The following RSPH14 variants were observed in gnomAD, a reference collection of about 807,000 sequenced individuals.
RSPH14 encodes radial spoke head 14 homolog, also known as rhabdoid tumor deletion region gene 1.
A neutral mutation model predicts 26.7 loss-of-function variants in RSPH14; 20 were observed. That is an observed-to-expected ratio of 0.75 (90% CI 0.53 to 1.09). RSPH14 has a LOEUF of 1.09. Among genes scored for constraint, RSPH14 ranks in the 50% least tolerant of loss-of-function variants. The probability of loss-of-function intolerance (pLI) is 0.00; values close to 1 mark genes in which losing one functional copy is unlikely to be tolerated. For synonymous variants in RSPH14, 177 were observed against 189.3 expected, an observed-to-expected ratio of 0.93 and a Z score of 0.53; for missense variants, 449 against 457.2, an observed-to-expected ratio of 0.98 and a Z score of 0.16.
chr22:23,106,205 C>G (rs1203873505), intron 4 of RSPH14, among the ~76,000 whole-genome samples: 1 of 152,230 alleles, frequency 6.6e-6, no homozygotes, highest in Non-Finnish European at 1.5e-5. Context: ...ACCTAAGACC[C>G]TGCAAGTCAG....
chr22:23,156,158 AAC>A, the RSPH14 span: 198 of 790,624 alleles, frequency 2.5e-4, no homozygotes, highest in Non-Finnish European at 3.3e-4. Context: ...CCACTGAGAA[AAC>A]ACCAGGCCAC....
intron 4 of RSPH14, among the ~76,000 whole-genome samples, chr22:23,101,879 C>T (rs1433779129): frequency 1.3e-5 from 2 of 152,208 alleles, no homozygotes; most frequent in Admixed American, 6.5e-5. Context: ...GATGGCACCT[C>T]GCATGGCAGG....
the RSPH14 span, among the ~76,000 whole-genome samples, chr22:23,172,677 CG>C: frequency 6.9e-6 from 1 of 143,984 alleles, no homozygotes. Flanking sequence ...AGACTGGGCA[CG>C]GTGGCTCACA....
At chr22:23,170,403 T>A in the RSPH14 span, among the ~76,000 whole-genome samples, 1 of 152,160 alleles carries the variant, frequency 6.6e-6, no homozygotes, top group Non-Finnish European at 1.5e-5. Flanking sequence ...TCTCACTGTA[T>A]CCTCACATAG....
intron 4 of RSPH14, among the ~76,000 whole-genome samples, chr22:23,075,092 G>A (rs1471718635): frequency 1.3e-5 from 2 of 152,162 alleles, no homozygotes; most frequent in African/African-American, 4.8e-5. Flanking sequence ...CAGGAAGCTG[G>A]CTGGTCACAG....
chr22:23,161,321 G>A, the RSPH14 span, among the ~76,000 whole-genome samples: 1 of 152,174 alleles, frequency 6.6e-6, no homozygotes, highest in East Asian at 1.9e-4. Context: ...CTGCACCTTT[G>A]CCCTCTCTGT....
intron 4 of RSPH14, chr22:23,123,069 G>A (rs1601842398): frequency 1.9e-6 from 3 of 1,566,396 alleles, no homozygotes; most frequent in Non-Finnish European, 2.6e-6. Flanking sequence ...ATTAACGCCA[G>A]TACTTTCCTT....
chr22:23,097,911 C>T (rs1224066049), intron 4 of RSPH14, among the ~76,000 whole-genome samples: 1 of 152,264 alleles, frequency 6.6e-6, no homozygotes, highest in Non-Finnish European at 1.5e-5. Context: ...ATTCCCCGGG[C>T]ACCAGGCCTG....
rs776248371 is a variant in RSPH14 at position 23,140,360 on chromosome 22, T to C, written c.61A>G (p.Thr21Ala). 3 of 1,614,162 alleles carry C rather than the reference T, an allele frequency of 1.9e-6. No homozygotes were observed. Among genetic ancestry groups the C allele is most frequent in the Non-Finnish European group, 2.5e-6 (3 of 1,180,030 alleles). Residue 21 changes from threonine to alanine, a missense_variant, in exon 2 of 7, where the codon ACT becomes GCT. Thr to Ala is a moderately conservative substitution (Grantham distance 58). Transcript: ENST00000216036. ...PININATQIT[T>A]AYGHRALPKL... ...GGCAGGGCCCGATGGCCATAGGCAG[T>C]GGTAATCTGGGTGGCATTGATGTTA...
chr22:23,171,229 G>A, the RSPH14 span, among the ~76,000 whole-genome samples: 2 of 152,124 alleles, frequency 1.3e-5, no homozygotes, highest in African/African-American at 4.8e-5. Context: ...GCCTCCCAAA[G>A]TGCTGGGATT....
At chr22:23,094,973 A>G (rs1338312842) in intron 4 of RSPH14, among the ~76,000 whole-genome samples, 1 of 152,204 alleles carries the variant, frequency 6.6e-6, no homozygotes, top group Non-Finnish European at 1.5e-5. Flanking sequence ...TGAGTCCAGC[A>G]TGGGGGCTGG....
chr22:23,071,603 G>T lies in RSPH14; in HGVS notation c.422-7470C>A, dbSNP rs2068377753. ...GTCACTCCCCCAGAGCTTGACGCTG[G>T]GGTGCACCGGGTGGGAGTGGACTGG... On this transcript the variant is annotated intron_variant, in intron 4 of 6. Transcript: ENST00000216036. This position sits in a 1 kb window ranked among gnomAD's most constrained non-coding sequence, Gnocchi z 4.1. Among the ~76,000 whole-genome samples, 1 of 152,202 alleles carries T rather than the reference G, an allele frequency of 6.6e-6. No homozygotes were observed. The highest frequency in any genetic ancestry group is 2.4e-5 in the African/African-American group (1 of 41,452).
upstream of RSPH14, chr22:23,142,054 C>A (rs1378517909): frequency 1.0e-6 from 1 of 985,244 alleles, no homozygotes. Flanking sequence ...TCCGCGGCGC[C>A]GCGGTCGACA....
At chr22:23,112,088 C>A (rs1187630680) in intron 4 of RSPH14, among the ~76,000 whole-genome samples, 1 of 152,188 alleles carries the variant, frequency 6.6e-6, no homozygotes, top group Non-Finnish European at 1.5e-5. Context: ...ATGCAGGGAC[C>A]AGGAGGGCCA....
At chr22:23,080,280 G>A (rs965912855) in intron 4 of RSPH14, among the ~76,000 whole-genome samples, 5 of 152,350 alleles carry the variant, frequency 3.3e-5, no homozygotes, top group Non-Finnish European at 7.3e-5. Flanking sequence ...CGTGGTGGCT[G>A]TGGGCCAAAA....
chr22:23,127,382 C>T (rs1191342406), intron 4 of RSPH14, among the ~76,000 whole-genome samples: 1 of 152,244 alleles, frequency 6.6e-6, no homozygotes, highest in Non-Finnish European at 1.5e-5. Flanking sequence ...CAACTACCCA[C>T]CAAAGACTGT....
intron 4 of RSPH14, among the ~76,000 whole-genome samples, chr22:23,116,730 CACA>C (rs2069847999): frequency 6.6e-6 from 1 of 152,234 alleles, no homozygotes; most frequent in Non-Finnish European, 1.5e-5. Context: ...GCGCTTGTCC[CACA>C]CAGCTGCCTT....
chr22:23,155,235 T>C, the RSPH14 span, among the ~76,000 whole-genome samples: 8 of 152,202 alleles, frequency 5.3e-5, no homozygotes, highest in African/African-American at 1.2e-4. Flanking sequence ...AAGCGATGGA[T>C]TGGGGAACAA....
chr22:23,102,160 A>G (rs2069321143), intron 4 of RSPH14, among the ~76,000 whole-genome samples: 1 of 152,208 alleles, frequency 6.6e-6, no homozygotes. Context: ...ACTCAGCCTT[A>G]ACTGGGGCTG....
Sources: allele counts gnomAD v4.1 joint callset (sites outside exome capture counted in the v4.1 genomes callset), GRCh38; gene constraint gnomAD v4.1.1; non-coding constraint Gnocchi (gnomAD v3.1); transcripts MANE v1.5; gene names NCBI Gene and HGNC (gene_info 2026-07-23, HGNC 2026-07-21).